TMEM33: variants seen among roughly 807,000 people sequenced by gnomAD.
TMEM33 encodes the protein transmembrane protein 33.
In TMEM33, 16 loss-of-function variants were observed where a neutral mutation model predicts 29.7. The ratio of observed to expected loss-of-function variants is 0.54; its 90% confidence interval spans 0.36 to 0.82. The LOEUF (loss-of-function observed/expected upper bound fraction) is 0.82. TMEM33 is among the 40% of genes least tolerant of loss of function. The pLI is 0.00. For missense variants in TMEM33, 252 were observed against 295.3 expected (o/e 0.85, Z 1.08); for synonymous variants, 112 against 109.4 (o/e 1.02, Z -0.15).
intron 6 of TMEM33, among the ~76,000 whole-genome samples, chr4:41,950,034 T>A (rs557293018): frequency 1.3e-5 from 2 of 152,150 alleles, no homozygotes; most frequent in Non-Finnish European, 2.9e-5. Flanking sequence ...ATAAAACTTC[T>A]TGAGTTTTAG....
At chr4:41,943,448 C>A (rs1476073069) in intron 3 of TMEM33, among the ~76,000 whole-genome samples, 1 of 151,900 alleles carries the variant, frequency 6.6e-6, no homozygotes, top group Admixed American at 6.6e-5. Context: ...TCACTTGAAC[C>A]CAGGAGGTGG....
At chr4:41,937,032 A>G (rs541893400) in intron 1 of TMEM33, among the ~76,000 whole-genome samples, 1 of 148,012 alleles carries the variant, frequency 6.8e-6, no homozygotes, top group African/African-American at 2.5e-5. Flanking sequence ...CTCCTCAACA[A>G]TTTTTCACCC....
intron 1 of TMEM33, 53 bp downstream of exon 1, chr4:41,935,582 C>G: frequency 1.3e-6 from 2 of 1,560,614 alleles, no homozygotes; most frequent in Non-Finnish European, 1.7e-6. Context: ...TAGGAAGAAG[C>G]AGGAAGCGTT....
intron 6 of TMEM33, among the ~76,000 whole-genome samples, chr4:41,950,383 G>A (rs898145081): frequency 1.2e-4 from 18 of 152,210 alleles, no homozygotes; most frequent in South Asian, 2.1e-4. Context: ...ACAGTAAAAA[G>A]AACTTGAATT....
intron 3 of TMEM33, among the ~76,000 whole-genome samples, chr4:41,942,438 G>T (rs1182045932): frequency 6.6e-6 from 1 of 152,176 alleles, no homozygotes; most frequent in East Asian, 1.9e-4. Flanking sequence ...TTGGAAACTG[G>T]GACCCTTGAA....
rs759877754 is a variant in TMEM33, at chr4:41,949,366, C to T, written c.595C>T (p.Arg199Ter). The change falls in exon 6 of 7, where the codon CGA (arginine) becomes TGA (stop). Residue 199 changes from arginine (R) to a stop codon, truncating the protein, a stop_gained. Coordinates refer to ENST00000504986, the MANE Select transcript of TMEM33 (RefSeq NM_018126.3). LOFTEE classifies it high-confidence loss of function. ...ATTTCTTACCCTTCGATATTCGTCT[C>T]GAAGAAACCCATATTGTCGGTAAGC... ...YRFLTLRYSSRRNPYCRTLFN... is the reference protein window; with the variant it reads ...YRFLTLRYSS 7 of 1,609,694 alleles carry T rather than the reference C, an allele frequency of 4.3e-6. No homozygotes were observed. In the Admixed American group the frequency reaches 1.0e-4, roughly 23 times the overall value.
At chr4:41,935,303 T>C, upstream of TMEM33, 1 of 689,270 alleles carries the variant, frequency 1.5e-6, no homozygotes, top group Non-Finnish European at 2.6e-6. Context: ...TCCAGTCGGC[T>C]GCACCAGGCG....
intron 6 of TMEM33, among the ~76,000 whole-genome samples, chr4:41,951,416 A>G (rs73810445): frequency 1.3e-3 from 192 of 152,282 alleles, no homozygotes; most frequent in African/African-American, 3.6e-3. Context: ...CAGATATGCA[A>G]AAATTTTATC....
chr4:41,945,973 CA>C (rs35896467), intron 5 of TMEM33, among the ~76,000 whole-genome samples: 29,674 of 75,410 alleles, frequency 0.39, 4,106 homozygotes, highest in African/African-American at 0.63. Context: ...TCTGTCTCAC[CA>C]AAAAAAAAAA....
At chr4:41,936,662 C>G (rs1361473388) in intron 1 of TMEM33, among the ~76,000 whole-genome samples, 1 of 152,166 alleles carries the variant, frequency 6.6e-6, no homozygotes, top group Non-Finnish European at 1.5e-5. Context: ...GCGCTCCAGC[C>G]TGGGGTGACA....
rs75352577 is a variant in TMEM33, at chr4:41,939,330, G to A, written c.275G>A (p.Ser92Asn). The A allele has an allele frequency of 2.5e-6, 4 of 1,612,878 alleles. No individual in the cohort carries two copies. The highest frequency in any genetic ancestry group is 1.3e-5 in the African/African-American group (1 of 74,884). ...AFLAQALLED[S>N]CHYLLYSLIF... ...CTGGCCCAGGCTTTGTTAGAGGACA[G>A]CTGCCACTACCTGTTGTATTCACTC... The change falls in exon 3 of 7, where the codon AGC becomes AAC. Residue 92 changes from serine to asparagine, a missense_variant. Coordinates refer to ENST00000504986, the MANE Select transcript of TMEM33 (RefSeq NM_018126.3).
chr4:41,947,016 G>T (rs113264631), intron 5 of TMEM33, among the ~76,000 whole-genome samples: 4,316 of 152,114 alleles, frequency 0.028, 102 homozygotes, highest in African/African-American at 0.055. Flanking sequence ...AGCTGGCAGA[G>T]CATGAGGTCA....
chr4:41,943,629 C>G, intron 3 of TMEM33, 118 bp from the exon 4 acceptor site: 1 of 811,496 alleles, frequency 1.2e-6, no homozygotes. Flanking sequence ...TAAAACAAGC[C>G]ATTCCACTGA....
intron 4 of TMEM33, 114 bp downstream of exon 4, chr4:41,943,928 G>T (rs1712665541): frequency 4.6e-6 from 4 of 866,068 alleles, no homozygotes; most frequent in Non-Finnish European, 7.3e-6. Context: ...TTACAAACTT[G>T]TTATGAATTA....
intron 2 of TMEM33, 118 bp from the exon 3 acceptor site, chr4:41,939,078 A>AT: frequency 4.2e-6 from 4 of 960,714 alleles, no homozygotes; most frequent in Non-Finnish European, 3.0e-6. Context: ...AGTTCATGTA[A>AT]TTTTTTTCTA....
chr4:41,935,375 G>A (rs777154106), upstream of TMEM33: 13 of 1,209,356 alleles, frequency 1.1e-5, no homozygotes, highest in Non-Finnish European at 1.4e-5. Context: ...CCTGTGTGTG[G>A]CGCGAGGCAG....
chr4:41,958,413 AAGGTCTATCC>A lies in TMEM33; in HGVS notation c.*4217_*4226del. 1 of 152,310 alleles carries A rather than the reference AAGGTCTATCC, an allele frequency of 6.6e-6. No individual in the cohort carries two copies. Among genetic ancestry groups the A allele is most frequent in the Non-Finnish European group, 1.5e-5 (1 of 68,014 alleles). 9.4% of individuals were successfully genotyped at this position (152,310 alleles called of 1,614,324 possible). A position where few individuals can be genotyped will look rare whatever the true frequency, so the allele number is the denominator to read the frequency against. On this transcript the variant is annotated 3_prime_UTR_variant, in exon 7 of 7. Transcript: ENST00000504986. ...AATTTGGAGTGACACCATTCAGATC[AAGGTCTATCC>A]AGTTTTTTCTTTTCATGCTAAGTGC... is the stretch of plus-strand genomic sequence containing the variant.
At chr4:41,939,034 A>G (rs1712387268) in intron 2 of TMEM33, among the ~76,000 whole-genome samples, 162 bp from the exon 3 acceptor site, 1 of 142,830 alleles carries the variant, frequency 7.0e-6, no homozygotes. Context: ...AGTTGGGCAT[A>G]TATATGAAGT....
chr4:41,950,348 C>A (rs1431420039), intron 6 of TMEM33, among the ~76,000 whole-genome samples: 1 of 152,084 alleles, frequency 6.6e-6, no homozygotes, highest in African/African-American at 2.4e-5. Context: ...GAGTGCATTA[C>A]AGCAATCTGT....
Sources: allele counts gnomAD v4.1 joint callset (sites outside exome capture counted in the v4.1 genomes callset), GRCh38; gene constraint gnomAD v4.1.1; transcripts MANE v1.5; gene names NCBI Gene and HGNC (gene_info 2026-07-23, HGNC 2026-07-21).